Variants in DPP10 observed in about 807,000 individuals in gnomAD.
The protein encoded by DPP10 is inactive dipeptidyl peptidase 10.
In DPP10, 33 loss-of-function variants were observed where a neutral mutation model predicts 120.9. The observed-to-expected ratio is 0.27, with a 90% CI of 0.21 to 0.37. DPP10 has a LOEUF of 0.37. Among genes scored for constraint, DPP10 ranks in the 10% least tolerant of loss-of-function variants. The probability of loss-of-function intolerance (pLI) is 1.00; values close to 1 mark genes in which losing one functional copy is unlikely to be tolerated. For missense variants in DPP10, 816 were observed against 942.8 expected (o/e 0.87, Z 1.76); for synonymous variants, 337 against 326.1 (o/e 1.03, Z -0.36).
chr2:115,101,416 T>C (rs2104621247), intron 1 of DPP10, among the ~76,000 whole-genome samples: 1 of 152,296 alleles, frequency 6.6e-6, no homozygotes, highest in Middle Eastern at 3.4e-3. Flanking sequence ...GGACCAGAAC[T>C]CTAGGGGTGT....
At chr2:115,749,300 G>A (rs544930604) in intron 10 of DPP10, among the ~76,000 whole-genome samples, 7 of 152,120 alleles carry the variant, frequency 4.6e-5, no homozygotes, top group Non-Finnish European at 8.8e-5. Flanking sequence ...GAAGTGATAC[G>A]TGGTCATTTG....
At chr2:114,732,981 G>A (rs72957607) in intron 1 of DPP10, among the ~76,000 whole-genome samples, 1,913 of 152,258 alleles carry the variant, frequency 0.013, 50 homozygotes, top group African/African-American at 0.044. Flanking sequence ...CTATTTCACT[G>A]CACCCACTGC....
At chr2:114,516,050 G>T (rs1223072634) in intron 1 of DPP10, among the ~76,000 whole-genome samples, 2 of 152,116 alleles carry the variant, frequency 1.3e-5, no homozygotes, top group Non-Finnish European at 2.9e-5. Context: ...CAGCCTGCTG[G>T]GCCCCACCCT....
chr2:114,695,245 T>C (rs1229602396), intron 1 of DPP10, among the ~76,000 whole-genome samples: 1 of 151,992 alleles, frequency 6.6e-6, no homozygotes, highest in African/African-American at 2.4e-5. Flanking sequence ...ATGAAAGTGA[T>C]AGAATCTATA....
At chr2:114,518,976 C>G (rs535181213) in intron 1 of DPP10, among the ~76,000 whole-genome samples, 7 of 152,292 alleles carry the variant, frequency 4.6e-5, no homozygotes, top group African/African-American at 1.7e-4. Context: ...TAGTTTTTAT[C>G]TGTTAGGCTT....
In DPP10 at chr2:114,542,048, C is replaced by CTTTTTTT. The variant is rs761961981; in HGVS notation, c.60+99210_60+99211insTTTTTTT. On this transcript the variant is annotated intron_variant, in intron 1 of 25. Coordinates refer to ENST00000410059, the MANE Select transcript of DPP10 (RefSeq NM_020868.6). ...TACAGTTTTTTTTCTTTCTTTCTTTCCTTTTTTTTTTTTTTTTGAGATGGA... is the reference window on the plus strand; with the variant it reads ...TACAGTTTTTTTTCTTTCTTTCTTTCTTTTTTTCTTTTTTTTTTTTTTTTGAGATGGA... Among the ~76,000 whole-genome samples, 30 of 122,168 alleles carry CTTTTTTT rather than the reference C, an allele frequency of 2.5e-4. 8 individuals are homozygous for CTTTTTTT. Among genetic ancestry groups the CTTTTTTT allele is most frequent in the South Asian group, 2.8e-4 (1 of 3,614 alleles). The allele number at this position is 122,168 out of a possible 152,430, so 80.1% of individuals were successfully genotyped here.
chr2:115,705,034 T>C (rs545755397), intron 7 of DPP10, among the ~76,000 whole-genome samples: 7 of 152,090 alleles, frequency 4.6e-5, no homozygotes, highest in African/African-American at 1.7e-4. Context: ...ACAAAAATTA[T>C]CCACATCTCT....
chr2:115,318,580 A>C (rs1284815224), intron 2 of DPP10, among the ~76,000 whole-genome samples: 1 of 152,142 alleles, frequency 6.6e-6, no homozygotes, highest in East Asian at 1.9e-4. Flanking sequence ...TTCTGGAAAT[A>C]ATTTAAATAA....
intron 21 of DPP10, among the ~76,000 whole-genome samples, chr2:115,829,648 ATTTCT>A (rs150640712): frequency 0.013 from 1,963 of 152,122 alleles, 43 homozygotes; most frequent in African/African-American, 0.042. Context: ...TGCACAGTAC[ATTTCT>A]TTTATTTCTT....
chr2:114,956,681 C>A (rs1224270813), intron 1 of DPP10, among the ~76,000 whole-genome samples: 1 of 152,030 alleles, frequency 6.6e-6, no homozygotes, highest in East Asian at 1.9e-4. Flanking sequence ...TATCATGCTA[C>A]CTGACTTTAA....
At chr2:115,230,295 G>A (rs917560316) in intron 1 of DPP10, among the ~76,000 whole-genome samples, 1 of 151,900 alleles carries the variant, frequency 6.6e-6, no homozygotes, top group African/African-American at 2.4e-5. Flanking sequence ...TACTGAATTT[G>A]TTTATTAGTT....
chr2:115,056,735 A>G (rs1197932985), intron 1 of DPP10, among the ~76,000 whole-genome samples: 1 of 152,188 alleles, frequency 6.6e-6, no homozygotes, highest in South Asian at 2.1e-4. Flanking sequence ...ATGGCTCAAA[A>G]TGGAGGCAAA....
chr2:114,640,275 G>C (rs1695610378), intron 1 of DPP10, among the ~76,000 whole-genome samples: 1 of 151,886 alleles, frequency 6.6e-6, no homozygotes, highest in South Asian at 2.1e-4. Context: ...GGAACGCTGA[G>C]TAGAGTCTGA....
At chr2:115,425,518 GTATT>G (rs1169928172) in intron 3 of DPP10, among the ~76,000 whole-genome samples, 1 of 152,048 alleles carries the variant, frequency 6.6e-6, no homozygotes, top group Non-Finnish European at 1.5e-5. Context: ...ATTCATAACA[GTATT>G]TATTATAGAA....
chr2:115,123,408 C>T (rs115233452), intron 1 of DPP10, among the ~76,000 whole-genome samples: 356 of 152,204 alleles, frequency 2.3e-3, no homozygotes, highest in African/African-American at 8.1e-3. Flanking sequence ...TGCTCAGTGG[C>T]CTGCTAGCAC....
chr2:115,525,656 G>A (rs149881619), intron 4 of DPP10, among the ~76,000 whole-genome samples: 1 of 151,884 alleles, frequency 6.6e-6, no homozygotes, highest in Non-Finnish European at 1.5e-5. Flanking sequence ...TTCTTTAAGA[G>A]ATAACATATA....
chr2:114,564,796 C>A (rs1044088818), intron 1 of DPP10, among the ~76,000 whole-genome samples: 10 of 152,130 alleles, frequency 6.6e-5, no homozygotes. Flanking sequence ...GATTTCTGTT[C>A]CAACCATTGA....
At chr2:115,817,770 C>A (rs925259498) in intron 21 of DPP10, among the ~76,000 whole-genome samples, 1 of 151,756 alleles carries the variant, frequency 6.6e-6, no homozygotes, top group Admixed American at 6.6e-5. Flanking sequence ...GAAATCCTGT[C>A]TCAGACTGCA....
intron 1 of DPP10, among the ~76,000 whole-genome samples, chr2:115,084,477 G>A (rs577362457): frequency 8.5e-5 from 13 of 152,362 alleles, no homozygotes; most frequent in Non-Finnish European, 1.5e-4. Context: ...ACAAAAGGTT[G>A]TCAAGTTCAC....
Sources: allele counts gnomAD v4.1 joint callset (sites outside exome capture counted in the v4.1 genomes callset), GRCh38; gene constraint gnomAD v4.1.1; transcripts MANE v1.5; gene names NCBI Gene and HGNC (gene_info 2026-07-23, HGNC 2026-07-21).